Variants in NFAT5 observed in about 807,000 individuals in gnomAD.
The protein encoded by NFAT5 is nuclear factor of activated T-cells 5.
NFAT5 carries 31 observed loss-of-function variants against 166.5 expected under a neutral mutation model. That is an observed-to-expected ratio of 0.19 (90% confidence interval 0.14 to 0.25). The LOEUF (loss-of-function observed/expected upper bound fraction) is 0.25. Among genes scored for constraint, NFAT5 ranks in the 10% least tolerant of loss-of-function variants. NFAT5 has a pLI of 1.00. For missense variants in NFAT5, 1,449 were observed against 1,821.8 expected (o/e 0.80, Z 3.72); for synonymous variants, 612 against 639.7 (o/e 0.96, Z 0.65).
intron 3 of NFAT5, among the ~76,000 whole-genome samples, chr16:69,643,789 C>T (rs2035319292): frequency 6.6e-6 from 1 of 152,116 alleles, no homozygotes. Flanking sequence ...AATGTAGGCA[C>T]TGTGATAGGT....
chr16:69,683,014 C>T (rs916168998), intron 10 of NFAT5, among the ~76,000 whole-genome samples: 63 of 152,220 alleles, frequency 4.1e-4, no homozygotes, highest in Admixed American at 1.4e-3. Flanking sequence ...AAGTTAGAGA[C>T]CAGCCTGACC....
chr16:69,628,918 T>TA (rs1188712005), intron 3 of NFAT5, among the ~76,000 whole-genome samples: 2 of 151,856 alleles, frequency 1.3e-5, no homozygotes, highest in African/African-American at 2.4e-5. Flanking sequence ...ACTAAAAATA[T>TA]AAAAAATCAG....
intron 3 of NFAT5, among the ~76,000 whole-genome samples, chr16:69,635,753 G>A (rs547195464): frequency 2.0e-5 from 3 of 152,186 alleles, no homozygotes; most frequent in South Asian, 2.1e-4. Flanking sequence ...GAATAGCACG[G>A]GAAAGACCAG....
intron 2 of NFAT5, among the ~76,000 whole-genome samples, chr16:69,615,261 G>A (rs1387578089): frequency 2.6e-5 from 4 of 152,068 alleles, no homozygotes; most frequent in African/African-American, 4.8e-5. Context: ...GGCTGCTCTC[G>A]AACTTGTGAC....
intron 2 of NFAT5, among the ~76,000 whole-genome samples, chr16:69,609,573 T>G (rs1282897850): frequency 6.6e-6 from 1 of 152,196 alleles, no homozygotes; most frequent in Non-Finnish European, 1.5e-5. Flanking sequence ...GATCATTTGT[T>G]CATTGCCACT....
rs199504818 is a variant in NFAT5 at position 69,625,838 on chromosome 16, TA to T, written c.128-563del. Among the ~76,000 whole-genome samples the T allele has an allele frequency of 8.4e-3, 1,272 of 151,994 alleles. 7 individuals are homozygous for T. Among genetic ancestry groups the T allele is most frequent in the Non-Finnish European group, 0.014 (957 of 67,952 alleles). ...AGTTTTATCCAATTTTCAATGTTAATAACTTTTTCTAGAGACTATCTTGAAC... is the reference window on the plus strand; with the variant it reads ...AGTTTTATCCAATTTTCAATGTTAATACTTTTTCTAGAGACTATCTTGAAC... On this transcript the variant is annotated intron_variant, in intron 2 of 14. Coordinates refer to ENST00000349945, the MANE Select transcript of NFAT5 (RefSeq NM_138713.4).
intron 7 of NFAT5, among the ~76,000 whole-genome samples, chr16:69,664,419 G>A (rs575046598): frequency 1.3e-5 from 2 of 152,030 alleles, no homozygotes; most frequent in Non-Finnish European, 2.9e-5. Flanking sequence ...CGAGTAGCTG[G>A]GACTACAGGT....
chr16:69,670,135 A>G (rs1487396708), intron 8 of NFAT5, 24 bp downstream of exon 8: 5 of 1,603,818 alleles, frequency 3.1e-6, no homozygotes, highest in East Asian at 2.2e-5. Flanking sequence ...TTTGTGGTAC[A>G]GATATTTGTA....
At chr16:69,577,316 G>T (rs944044376) in intron 2 of NFAT5, among the ~76,000 whole-genome samples, 9 of 151,928 alleles carry the variant, frequency 5.9e-5, no homozygotes, top group African/African-American at 1.9e-4. Flanking sequence ...AAGCAACATG[G>T]GCCAGAACCT....
intron 3 of NFAT5, among the ~76,000 whole-genome samples, chr16:69,636,121 C>T (rs921340817): frequency 9.9e-5 from 15 of 152,090 alleles, no homozygotes; most frequent in Non-Finnish European, 2.9e-5. Context: ...GGTTACAGGG[C>T]CCATGCAAGT....
chr16:69,674,241 CAAAAAAA>C (rs59975972), intron 9 of NFAT5, among the ~76,000 whole-genome samples: 2 of 71,358 alleles, frequency 2.8e-5, no homozygotes, highest in East Asian at 5.3e-4. Context: ...GAAACTGTCT[CAAAAAAA>C]AAAAAAAAAA....
chr16:69,641,439 A>G (rs2035211099), intron 3 of NFAT5, among the ~76,000 whole-genome samples: 1 of 151,976 alleles, frequency 6.6e-6, no homozygotes, highest in South Asian at 2.1e-4. Flanking sequence ...TTTTTAGAAA[A>G]CTCAATTTTG....
chr16:69,601,350 G>A (rs560467545), intron 2 of NFAT5, among the ~76,000 whole-genome samples: 1 of 152,226 alleles, frequency 6.6e-6, no homozygotes, highest in East Asian at 1.9e-4. Flanking sequence ...TGTGATAGCT[G>A]CAAAGTATTA....
chr16:69,612,535 C>G (rs749801028), intron 2 of NFAT5, among the ~76,000 whole-genome samples: 2 of 152,082 alleles, frequency 1.3e-5, no homozygotes, highest in Non-Finnish European at 2.9e-5. Flanking sequence ...TTTTTAAAAG[C>G]AAGCAATAAC....
At chr16:69,658,656 C>T (rs1314307488) in intron 6 of NFAT5, among the ~76,000 whole-genome samples, 3 of 151,496 alleles carry the variant, frequency 2.0e-5, no homozygotes, top group South Asian at 4.2e-4. Flanking sequence ...AGTAAGACTC[C>T]GACTGTACTA....
At chr16:69,640,376 A>G (rs765731994) in intron 3 of NFAT5, among the ~76,000 whole-genome samples, 6 of 152,226 alleles carry the variant, frequency 3.9e-5, no homozygotes, top group Non-Finnish European at 8.8e-5. Flanking sequence ...AACTTTTTGT[A>G]AAGTTTTAAA....
At chr16:69,584,129 G>T (rs2031881632) in intron 2 of NFAT5, among the ~76,000 whole-genome samples, 1 of 152,110 alleles carries the variant, frequency 6.6e-6, no homozygotes, top group Non-Finnish European at 1.5e-5. Flanking sequence ...GGGAGGTTGA[G>T]GCAGGGGAAT....
intron 2 of NFAT5, among the ~76,000 whole-genome samples, chr16:69,590,323 A>G (rs761790154): frequency 2.1e-4 from 32 of 152,206 alleles, no homozygotes; most frequent in Non-Finnish European, 3.1e-4. Flanking sequence ...CAATTTTGCT[A>G]TGGTATGCAA....
intron 2 of NFAT5, among the ~76,000 whole-genome samples, chr16:69,609,868 G>A (rs1300875405): frequency 6.6e-6 from 1 of 151,224 alleles, no homozygotes; most frequent in East Asian, 1.9e-4. Flanking sequence ...AGCTGGACAT[G>A]GTGGCATGAG....
Sources: gnomAD v4.1 joint callset for allele counts (sites outside exome capture counted in the v4.1 genomes callset) on GRCh38, gnomAD v4.1.1 for gene constraint, MANE v1.5 for transcripts, NCBI Gene and HGNC (gene_info 2026-07-23, HGNC 2026-07-21) for gene names.